IGF1R: variants seen among roughly 807,000 people sequenced by gnomAD.
IGF1R encodes the protein insulin like growth factor 1 receptor.
A neutral mutation model predicts 144.6 loss-of-function variants in IGF1R; 44 were observed. That is an observed-to-expected ratio of 0.30 (90% CI 0.24 to 0.39). The LOEUF is 0.39. Among genes scored for constraint, IGF1R ranks in the 10% least tolerant of loss-of-function variants. The pLI, the probability that IGF1R is intolerant of heterozygous loss-of-function variation, is 1.00. For synonymous variants in IGF1R, 795 were observed against 722.8 expected (o/e 1.10, Z -1.60); for missense variants, 1,355 against 1,833.7 (o/e 0.74, Z 4.77).
chr15:98,872,756 G>A (rs540522942), intron 2 of IGF1R, among the ~76,000 whole-genome samples: 4 of 152,140 alleles, frequency 2.6e-5, no homozygotes, highest in South Asian at 4.1e-4. Flanking sequence ...CATGGGCACA[G>A]CCTGCCATCC....
intron 2 of IGF1R, among the ~76,000 whole-genome samples, chr15:98,769,672 G>A (rs1231526162): frequency 1.3e-5 from 2 of 152,196 alleles, no homozygotes; most frequent in African/African-American, 2.4e-5. Flanking sequence ...TTGTGAGAAA[G>A]GGTTTAATTA....
At chr15:98,690,701 C>T (rs909868210) in intron 1 of IGF1R, among the ~76,000 whole-genome samples, 4 of 152,208 alleles carry the variant, frequency 2.6e-5, no homozygotes, top group African/African-American at 9.6e-5. Flanking sequence ...AGCTCACCCT[C>T]TCCTCTTCCT....
At chr15:98,874,510 T>A (rs567603181) in intron 2 of IGF1R, among the ~76,000 whole-genome samples, 2 of 152,300 alleles carry the variant, frequency 1.3e-5, no homozygotes, top group African/African-American at 4.8e-5. Flanking sequence ...AGAGATCTTT[T>A]CGGTGAAGTA....
At chr15:98,887,541 C>G (rs984023957) in intron 2 of IGF1R, among the ~76,000 whole-genome samples, 1 of 152,100 alleles carries the variant, frequency 6.6e-6, no homozygotes, top group African/African-American at 2.4e-5. Flanking sequence ...ATGTTGGTCC[C>G]CCCAGTTAGT....
intron 2 of IGF1R, among the ~76,000 whole-genome samples, chr15:98,761,864 C>T (rs150902580): frequency 6.6e-6 from 1 of 152,366 alleles, no homozygotes; most frequent in Non-Finnish European, 1.5e-5. Flanking sequence ...AAGTGCCAGA[C>T]AACCCTTCTA....
intron 2 of IGF1R, among the ~76,000 whole-genome samples, chr15:98,881,875 G>A (rs1023935521): frequency 1.3e-5 from 2 of 152,138 alleles, no homozygotes; most frequent in Admixed American, 6.5e-5. Context: ...GTTGTAAGGC[G>A]CATGGAATAT....
chr15:98,817,584 A>G (rs1372779112), intron 2 of IGF1R, among the ~76,000 whole-genome samples: 1 of 152,100 alleles, frequency 6.6e-6, no homozygotes, highest in African/African-American at 2.4e-5. Flanking sequence ...AGGAGAAAGG[A>G]TAAGAAGAAA....
chr15:98,748,002 A>C (rs1443996324), intron 2 of IGF1R, among the ~76,000 whole-genome samples: 1 of 152,134 alleles, frequency 6.6e-6, no homozygotes, highest in African/African-American at 2.4e-5. Context: ...GGAAGAGATA[A>C]ATGAAGATAA....
chr15:98,917,682 A>G (rs963482853), intron 10 of IGF1R, among the ~76,000 whole-genome samples: 4 of 152,256 alleles, frequency 2.6e-5, no homozygotes, highest in Non-Finnish European at 5.9e-5. Flanking sequence ...CCATGTCACA[A>G]CACAGATGAA....
chr15:98,701,118 T>C (rs1470413564), intron 1 of IGF1R, among the ~76,000 whole-genome samples: 1 of 152,086 alleles, frequency 6.6e-6, no homozygotes, highest in Non-Finnish European at 1.5e-5. Context: ...AAAGAACTAC[T>C]ATAGTATGCC....
chr15:98,917,620 C>T (rs954018822), intron 10 of IGF1R, among the ~76,000 whole-genome samples: 1 of 152,104 alleles, frequency 6.6e-6, no homozygotes, highest in Non-Finnish European at 1.5e-5. Context: ...AAAATGGGCT[C>T]GAACCTTACA....
chr15:98,950,939 C>A (rs1271173718), intron 20 of IGF1R, among the ~76,000 whole-genome samples: 1 of 152,156 alleles, frequency 6.6e-6, no homozygotes, highest in African/African-American at 2.4e-5. Flanking sequence ...ATACTGAATC[C>A]CTAAGCTCCT....
At chr15:98,776,271 G>A (rs970119438) in intron 2 of IGF1R, among the ~76,000 whole-genome samples, 134 of 151,350 alleles carry the variant, frequency 8.9e-4, no homozygotes, top group East Asian at 3.9e-4. Context: ...TGCAACCTCC[G>A]CCTCCCGGGT....
chr15:98,652,138 A>T (rs575152463), intron 1 of IGF1R, among the ~76,000 whole-genome samples: 1 of 152,304 alleles, frequency 6.6e-6, no homozygotes, highest in African/African-American at 2.4e-5. Context: ...TAGAAAACTT[A>T]GTTTCTGAAG....
At chr15:98,850,654 A>T (rs1329118896) in intron 2 of IGF1R, among the ~76,000 whole-genome samples, 1 of 152,230 alleles carries the variant, frequency 6.6e-6, no homozygotes, top group Non-Finnish European at 1.5e-5. Context: ...GAAGTCAGAA[A>T]AGCATAACTG....
At chr15:98,768,787 G>C (rs2055506325) in intron 2 of IGF1R, among the ~76,000 whole-genome samples, 1 of 116,652 alleles carries the variant, frequency 8.6e-6, no homozygotes, top group South Asian at 2.8e-4. Flanking sequence ...AAAAAGCCGG[G>C]CGCGGTGCCG....
In IGF1R at chr15:98,920,096, T is replaced by C. The variant is rs1407676730; in HGVS notation, c.2202-2052T>C. On this transcript the variant is annotated intron_variant, in intron 10 of 20. Transcript: ENST00000650285. ...TGTAAATCACATAGTTTGGTTTAAC[T>C]AGCTAAAATGTTGACAGATGTTGGA... 2.0e-5 allele frequency among the ~76,000 whole-genome samples: 3 copies of C among 152,244 alleles called. No homozygotes were observed. In the East Asian group the frequency reaches 5.8e-4, roughly 29 times the overall value.
At chr15:98,684,036 C>T (rs1426477669) in intron 1 of IGF1R, among the ~76,000 whole-genome samples, 1 of 152,146 alleles carries the variant, frequency 6.6e-6, no homozygotes, top group East Asian at 1.9e-4. Context: ...GTACCATGTG[C>T]CCGTGCTCAG....
In IGF1R at chr15:98,964,166, A is replaced by T. The variant is rs2017334886; in HGVS notation, c.*6724A>T. ...CAAACCAGAAGGCGGGATGGAATGG[A>T]TGCACCGCAAATAATGCATTTTCTG... On this transcript the variant is annotated 3_prime_UTR_variant, in exon 21 of 21. Transcript: ENST00000650285. 8.6e-6 allele frequency: 2 copies of T among 232,838 alleles called. No individual in the cohort carries two copies. The highest frequency in any genetic ancestry group is 1.8e-4 in the South Asian group (1 of 5,518). 14.4% of individuals were successfully genotyped at this position (232,838 alleles called of 1,614,324 possible).
Sources: allele counts gnomAD v4.1 joint callset (sites outside exome capture counted in the v4.1 genomes callset), GRCh38; gene constraint gnomAD v4.1.1; transcripts MANE v1.5; gene names NCBI Gene and HGNC (gene_info 2026-07-23, HGNC 2026-07-21).